CENPU: variants seen among roughly 807,000 people sequenced by gnomAD.
The protein encoded by CENPU is KSHV latent nuclear antigen interacting protein 1.
A neutral mutation model predicts 56.7 loss-of-function variants in CENPU; 46 were observed. The observed-to-expected ratio is 0.81, with a 90% CI of 0.64 to 1.04. The LOEUF (loss-of-function observed/expected upper bound fraction) is 1.04, where lower values mean the gene tolerates loss of function less well. CENPU is among the 50% of genes least tolerant of loss of function. The pLI, the probability that CENPU is intolerant of heterozygous loss-of-function variation, is 0.00. For synonymous variants in CENPU, 166 were observed against 163.0 expected, an observed-to-expected ratio of 1.02 and a Z score of -0.14; for missense variants, 510 against 490.1, an observed-to-expected ratio of 1.04 and a Z score of -0.38.
chr4:184,725,713 G>A (rs1448812547), intron 3 of CENPU, among the ~76,000 whole-genome samples: 1 of 152,136 alleles, frequency 6.6e-6, no homozygotes, highest in Admixed American at 6.6e-5. Context: ...AGCCCTTTGG[G>A]GAGATTCCAG....
At chr4:184,732,830 C>T (rs1160679655) in intron 1 of CENPU, among the ~76,000 whole-genome samples, 1 of 152,032 alleles carries the variant, frequency 6.6e-6, no homozygotes, top group Non-Finnish European at 1.5e-5. Flanking sequence ...GGTGAAACCC[C>T]GTCTTTACTA....
At position 184,695,043 on chromosome 4, in the gene CENPU, TA is replaced by T. The variant is rs1289729845; in HGVS notation, c.*244del. On this transcript the variant is annotated 3_prime_UTR_variant, in exon 13 of 13. Coordinates refer to ENST00000281453, the MANE Select transcript of CENPU (RefSeq NM_024629.4). Reference sequence around the variant, plus strand: ...ATTATAGCTCATACCTGGGACCGATTAAGGTGTCAACATTTTAAAATTACTC... The same window carrying T: ...ATTATAGCTCATACCTGGGACCGATTAGGTGTCAACATTTTAAAATTACTC... The T allele has an allele frequency of 2.4e-5, 13 of 534,006 alleles. No individual in the cohort carries two copies. The East Asian group carries it at 3.4e-4, about 14-fold the overall frequency. 33.1% of individuals were successfully genotyped at this position (534,006 alleles called of 1,614,324 possible).
At chr4:184,695,469 C>T in intron 12 of CENPU, 68 bp from the exon 13 acceptor site, 1 of 1,057,970 alleles carries the variant, frequency 9.5e-7, no homozygotes, top group Admixed American at 1.8e-5. Flanking sequence ...ATAGCCCAAT[C>T]TTATGACTAA....
In CENPU at chr4:184,695,241, GC is replaced by G; in HGVS notation, c.*46del. 8.3e-7 allele frequency: 1 copy of G among 1,209,044 alleles called. No individual in the cohort carries two copies. The highest frequency in any genetic ancestry group is 1.2e-6 in the Non-Finnish European group (1 of 812,954). The allele number at this position is 1,209,044 out of a possible 1,614,324, so 74.9% of individuals were successfully genotyped here. On this transcript the variant is annotated 3_prime_UTR_variant, in exon 13 of 13. Transcript: ENST00000281453. ...AAAGGTACAGTTTCAGAAGGTAACA[GC>G]ATGAGACTAGTCTTCCTATAGGCAC...
chr4:184,729,968 C>G (rs1761581205), intron 2 of CENPU, among the ~76,000 whole-genome samples: 1 of 152,190 alleles, frequency 6.6e-6, no homozygotes, highest in Non-Finnish European at 1.5e-5. Flanking sequence ...CATATAAAAA[C>G]TTGACCATTC....
At position 184,697,664 on chromosome 4, in the gene CENPU, G is replaced by A; in HGVS notation, c.1126C>T (p.Pro376Ser). The A allele has an allele frequency of 6.2e-7, 1 of 1,612,866 alleles. No individual in the cohort carries two copies. ...QDYSDVQAQE[P>S]NVKETYDSSS... ...GGAGTTACCGTTTCCTTTACGTTTG[G>A]TTCTTGAGCTTGAACATCTGAATAA... The change falls in exon 12 of 13, where the codon CCA becomes TCA. Residue 376 changes from proline (P) to serine (S), a missense_variant. Physicochemically the swap from Pro to Ser is moderately conservative, Grantham distance 74. Transcript: ENST00000281453.
At chr4:184,700,008 A>G (rs1760479387) in intron 11 of CENPU, among the ~76,000 whole-genome samples, 1 of 152,160 alleles carries the variant, frequency 6.6e-6, no homozygotes. Context: ...AAAAGTTTCA[A>G]CTTTTCATTA....
rs917895291 is a variant in CENPU, at chr4:184,734,094, G to A, written c.-32C>T. On this transcript the variant is annotated 5_prime_UTR_variant, in exon 1 of 13. Coordinates refer to ENST00000281453, the MANE Select transcript of CENPU (RefSeq NM_024629.4). ...GCTCTCCGCTCTCGAGCGACTGGAA[G>A]CTCCCGCCAAGCCCCTCGCCGCTCC... The A allele has an allele frequency of 3.2e-6, 5 of 1,541,000 alleles. No individual in the cohort carries two copies. The highest frequency in any genetic ancestry group is 2.5e-5 in the East Asian group (1 of 40,812).
intron 6 of CENPU, among the ~76,000 whole-genome samples, chr4:184,715,977 G>C (rs1414429801): frequency 6.7e-6 from 1 of 149,244 alleles, no homozygotes; most frequent in Admixed American, 6.8e-5. Flanking sequence ...CTGTCACCCA[G>C]GCTGGAGTGC....
At chr4:184,730,866 T>C (rs1287138026) in intron 2 of CENPU, 54 bp downstream of exon 2, 31 of 1,431,354 alleles carry the variant, frequency 2.2e-5, no homozygotes, top group Non-Finnish European at 2.8e-5. Flanking sequence ...ACCCAAAAAA[T>C]GTTATTTTGT....
chr4:184,714,095 A>G (rs7678900), intron 6 of CENPU, among the ~76,000 whole-genome samples: 27,075 of 152,074 alleles, frequency 0.18, 2,710 homozygotes, highest in African/African-American at 0.26. Flanking sequence ...AAACCATGGC[A>G]ACCAGAAGAC....
intron 1 of CENPU, among the ~76,000 whole-genome samples, chr4:184,732,222 A>G (rs115187198): frequency 0.022 from 3,315 of 151,116 alleles, 127 homozygotes; most frequent in African/African-American, 0.075. Flanking sequence ...AGTGTGATGT[A>G]AAACATCATT....
rs1187299409 is a variant in CENPU at position 184,695,339 on chromosome 4, G to C, written c.1206C>G (p.Ser402Arg). The C allele has an allele frequency of 6.2e-7, 1 of 1,613,528 alleles. No homozygotes were observed. Among genetic ancestry groups the C allele is most frequent in the South Asian group, 1.1e-5 (1 of 91,080 alleles). ...FKARTLLGAE[S>R]HLRNINHQLE... is the part of the protein sequence containing the mutation. ...ACTGATGGTTGATATTTCGCAGATG[G>C]CTTTCGGCTCCCAGAAGTGTTCTTG... Residue 402 changes from serine (S) to arginine (R), a missense_variant, in exon 13 of 13, where the codon AGC (serine) becomes AGG (arginine). By Grantham distance (110) the Ser-to-Arg change is moderately radical. Coordinates refer to ENST00000281453, the MANE Select transcript of CENPU (RefSeq NM_024629.4).
intron 12 of CENPU, among the ~76,000 whole-genome samples, chr4:184,696,934 G>A (rs761471339): frequency 5.2e-4 from 77 of 149,496 alleles, no homozygotes; most frequent in Non-Finnish European, 8.1e-4. Context: ...AGGCTGGAGT[G>A]CAGTAGTGCG....
intron 8 of CENPU, 105 bp from the exon 9 acceptor site, chr4:184,702,546 T>A (rs1337547140): frequency 3.1e-6 from 2 of 647,646 alleles, no homozygotes; most frequent in Admixed American, 3.4e-5. Context: ...GGCATATACC[T>A]TTTTTTATTT....
At chr4:184,725,588 C>A (rs957664127) in intron 3 of CENPU, among the ~76,000 whole-genome samples, 1 of 152,160 alleles carries the variant, frequency 6.6e-6, no homozygotes, top group African/African-American at 2.4e-5. Context: ...CCCTGTCAGG[C>A]GTCATACACT....
intron 4 of CENPU, among the ~76,000 whole-genome samples, chr4:184,721,527 T>C (rs969954091): frequency 4.5e-5 from 6 of 132,538 alleles, no homozygotes; most frequent in Non-Finnish European, 6.3e-5. Context: ...CCTATAAAGA[T>C]ACACACAGAC....
chr4:184,724,631 G>C (rs902373238), intron 4 of CENPU, among the ~76,000 whole-genome samples: 1 of 152,146 alleles, frequency 6.6e-6, no homozygotes, highest in Non-Finnish European at 1.5e-5. Context: ...TAGAGAATTT[G>C]TAAATGAAAG....
At chr4:184,700,291 C>G (rs1342904184) in intron 11 of CENPU, among the ~76,000 whole-genome samples, 2 of 144,282 alleles carry the variant, frequency 1.4e-5, no homozygotes, top group Non-Finnish European at 3.0e-5. Flanking sequence ...TACCCTTCGA[C>G]AATAACATAA....
Sources: allele counts gnomAD v4.1 joint callset (sites outside exome capture counted in the v4.1 genomes callset), GRCh38; gene constraint gnomAD v4.1.1; transcripts MANE v1.5; gene names NCBI Gene and HGNC (gene_info 2026-07-23, HGNC 2026-07-21).